SAMD5: variants seen among roughly 807,000 people sequenced by gnomAD.
SAMD5 encodes the protein sterile alpha motif domain-containing protein 5.
A neutral mutation model predicts 11.3 loss-of-function variants in SAMD5; 13 were observed. The ratio of observed to expected loss-of-function variants is 1.15; its 90% CI spans 0.75 to 1.83. SAMD5 has a LOEUF of 1.83. SAMD5 is among the 40% of genes most tolerant of loss of function. SAMD5 has a pLI of 0.00. For synonymous variants in SAMD5, 129 were observed against 111.3 expected, an observed-to-expected ratio of 1.16 and a Z score of -1.00; for missense variants, 255 against 239.1, an observed-to-expected ratio of 1.07 and a Z score of -0.44.
At chr6:147,934,925 A>T in the SAMD5 span, among the ~76,000 whole-genome samples, 1 of 152,130 alleles carries the variant, frequency 6.6e-6, no homozygotes, top group African/African-American at 2.4e-5. Flanking sequence ...CAAGGGGGGA[A>T]GTTTGAACTT....
chr6:147,509,135 C>T lies in SAMD5; in HGVS notation c.207C>T (p.Ala69=), dbSNP rs1236619056. The part of the protein sequence containing the change: ...VRRLREQDAN[A]AGLYFTLEPQ... ...GGCTGCGGGAGCAGGACGCCAACGCCGCCGGCCTCTACTTCACGCTTGAGC... is the reference window on the plus strand; with the variant it reads ...GGCTGCGGGAGCAGGACGCCAACGCTGCCGGCCTCTACTTCACGCTTGAGC... Residue 69 remains alanine (A), a synonymous_variant, in exon 1 of 2, where the codon GCC becomes GCT. Transcript: ENST00000367474. 1.3e-6 allele frequency: 2 copies of T among 1,552,084 alleles called. No individual in the cohort carries two copies. Among genetic ancestry groups the T allele is most frequent in the African/African-American group, 1.4e-5 (1 of 71,824 alleles).
At chr6:147,900,877 C>T in the SAMD5 span, among the ~76,000 whole-genome samples, 92 of 152,122 alleles carry the variant, frequency 6.0e-4, no homozygotes, top group African/African-American at 2.0e-3. Flanking sequence ...TGCCTTATCT[C>T]GTTTTTTCTA....
Position 147,626,791 on chromosome 6 carries a change from G to GAAAAAAAAAAAAAAAAAAAAAAA in SAMD5, c.163-110522_163-110500dup, listed in dbSNP as rs529975933. Reference sequence around the variant, plus strand: ...CAACATAACGAGACACTGTTTCTATGAAAAAAAAAAAAAAAAAAAAAAAAA... The same window carrying GAAAAAAAAAAAAAAAAAAAAAAA: ...CAACATAACGAGACACTGTTTCTATGAAAAAAAAAAAAAAAAAAAAAAAAAAAAAAAAAAAAAAAAAAAAAAAA... On this transcript the variant is annotated intron_variant, in intron 1 of 1. Coordinates refer to the SAMD5 transcript ENST00000566741. Among the ~76,000 whole-genome samples the GAAAAAAAAAAAAAAAAAAAAAAA allele has an allele frequency of 1.0e-3, 56 of 54,726 alleles. 2 individuals are homozygous for GAAAAAAAAAAAAAAAAAAAAAAA. The highest frequency in any genetic ancestry group is 1.3e-3 in the Non-Finnish European group (35 of 26,960). 35.9% of individuals were successfully genotyped at this position (54,726 alleles called of 152,430 possible). A position where few individuals can be genotyped will look rare whatever the true frequency, so the allele number is the denominator to read the frequency against.
the SAMD5 span, among the ~76,000 whole-genome samples, chr6:147,883,475 G>A: frequency 4.1e-4 from 62 of 152,204 alleles, no homozygotes; most frequent in African/African-American, 1.2e-3. Context: ...ACATCAAACC[G>A]TCTCCCCTTT....
chr6:147,599,286 A>C (rs2128447948), intron 1 of SAMD5, among the ~76,000 whole-genome samples: 1 of 152,354 alleles, frequency 6.6e-6, no homozygotes, highest in South Asian at 2.1e-4. Flanking sequence ...AAAAGAGACA[A>C]ACAGGGCTAA....
At chr6:147,594,400 A>G (rs1162299472) in intron 1 of SAMD5, among the ~76,000 whole-genome samples, 2 of 152,146 alleles carry the variant, frequency 1.3e-5, no homozygotes, top group Non-Finnish European at 2.9e-5. Flanking sequence ...TTGAAGGTAA[A>G]ATGAGACTAT....
the SAMD5 span, among the ~76,000 whole-genome samples, chr6:147,847,000 G>T: frequency 1.3e-5 from 2 of 152,116 alleles, no homozygotes; most frequent in South Asian, 2.1e-4. Flanking sequence ...CTACTTGGTT[G>T]GTAGATATCA....
At chr6:147,881,009 C>G in the SAMD5 span, among the ~76,000 whole-genome samples, 106 of 152,218 alleles carry the variant, frequency 7.0e-4, no homozygotes, top group African/African-American at 2.4e-3. Context: ...TTAACTTTTA[C>G]TTGAGCAGTT....
chr6:147,785,380 C>T, the SAMD5 span, among the ~76,000 whole-genome samples: 1 of 152,122 alleles, frequency 6.6e-6, no homozygotes, highest in Non-Finnish European at 1.5e-5. Flanking sequence ...CCAATCAGAT[C>T]CCCTTGGCTT....
In SAMD5 at chr6:147,566,099, C is replaced by G; in HGVS notation, c.*1643C>G. 1 of 981,670 alleles carries G rather than the reference C, an allele frequency of 1.0e-6. No individual in the cohort carries two copies. The highest frequency in any genetic ancestry group is 1.2e-6 in the Non-Finnish European group (1 of 826,532). The allele number at this position is 981,670 out of a possible 1,614,324, so 60.8% of individuals were successfully genotyped here. On this transcript the variant is annotated 3_prime_UTR_variant, in exon 2 of 2. Coordinates refer to ENST00000367474, the MANE Select transcript of SAMD5 (RefSeq NM_001030060.3). ...TTCTAAGGACAATTTTAACACAATACTGCTTTAAAAATCTGAAGTTTAAAT... is the reference window on the plus strand; with the variant it reads ...TTCTAAGGACAATTTTAACACAATAGTGCTTTAAAAATCTGAAGTTTAAAT...
intron 1 of SAMD5, among the ~76,000 whole-genome samples, chr6:147,654,561 A>G (rs979802062): frequency 2.6e-5 from 4 of 152,010 alleles, no homozygotes; most frequent in African/African-American, 7.3e-5. Context: ...CTAGGCCACT[A>G]CTGTTGCTCC....
the SAMD5 span, among the ~76,000 whole-genome samples, chr6:147,853,090 T>A: frequency 6.6e-6 from 1 of 152,218 alleles, no homozygotes; most frequent in Non-Finnish European, 1.5e-5. Flanking sequence ...CAGATTCTGA[T>A]GTCTCCTTCA....
At chr6:147,908,868 A>G in the SAMD5 span, among the ~76,000 whole-genome samples, 1,341 of 152,270 alleles carry the variant, frequency 8.8e-3, 15 homozygotes, top group African/African-American at 0.031. Context: ...GTGAATGTGT[A>G]TTTCAATACC....
chr6:147,708,820 A>T (rs1394072516), intron 1 of SAMD5, among the ~76,000 whole-genome samples: 1 of 152,224 alleles, frequency 6.6e-6, no homozygotes, highest in African/African-American at 2.4e-5. Context: ...TATGATTTTG[A>T]ACCATAGGGT....
the SAMD5 span, among the ~76,000 whole-genome samples, chr6:147,823,756 G>A: frequency 2.0e-5 from 3 of 152,106 alleles, no homozygotes; most frequent in African/African-American, 4.8e-5. Context: ...TTTCCACCAT[G>A]AGCATTTAAG....
At chr6:147,680,450 A>G (rs1311345207) in intron 1 of SAMD5, among the ~76,000 whole-genome samples, 3 of 152,126 alleles carry the variant, frequency 2.0e-5, no homozygotes, top group Non-Finnish European at 2.9e-5. Flanking sequence ...ACCCATGGAC[A>G]GGTGGACTGC....
chr6:147,694,596 C>T (rs1054224413), intron 1 of SAMD5, among the ~76,000 whole-genome samples: 2 of 143,330 alleles, frequency 1.4e-5, no homozygotes, highest in East Asian at 1.9e-4. Context: ...GTGGGTGGAT[C>T]GCTTGAGTCC....
the SAMD5 span, among the ~76,000 whole-genome samples, chr6:147,770,788 T>C: frequency 6.6e-6 from 1 of 152,182 alleles, no homozygotes; most frequent in African/African-American, 2.4e-5. Context: ...AAAAAATAAA[T>C]TCCAGACCTT....
chr6:147,888,906 T>C, the SAMD5 span, among the ~76,000 whole-genome samples: 2 of 151,860 alleles, frequency 1.3e-5, no homozygotes, highest in African/African-American at 2.4e-5. Flanking sequence ...AAAAAAGATT[T>C]TCTTTTTCTC....
Sources: gnomAD v4.1 joint callset for allele counts (sites outside exome capture counted in the v4.1 genomes callset) on GRCh38, gnomAD v4.1.1 for gene constraint, MANE v1.5 for transcripts, NCBI Gene and HGNC (gene_info 2026-07-23, HGNC 2026-07-21) for gene names.